The following PALMD variants were observed in gnomAD, a reference collection of about 807,000 sequenced individuals.
PALMD encodes paralemmin-like protein.
PALMD carries 42 observed loss-of-function variants against 56.2 expected under a neutral mutation model. That is an observed-to-expected ratio of 0.75 (90% CI 0.58 to 0.97). PALMD has a LOEUF of 0.97. Among genes scored for constraint, PALMD ranks in the 50% least tolerant of loss-of-function variants. PALMD has a pLI of 0.00. For missense variants in PALMD, 660 were observed against 643.8 expected (o/e 1.03, Z -0.27); for synonymous variants, 242 against 222.9 (o/e 1.09, Z -0.76).
At chr1:99,662,919 A>C (rs934873081) in intron 2 of PALMD, among the ~76,000 whole-genome samples, 49 of 152,268 alleles carry the variant, frequency 3.2e-4, no homozygotes, top group African/African-American at 1.2e-3. Flanking sequence ...ACCAGAAATA[A>C]CTTTCCATGT....
chr1:99,676,347 A>C (rs959173006), intron 3 of PALMD, among the ~76,000 whole-genome samples: 5 of 151,992 alleles, frequency 3.3e-5, no homozygotes, highest in Non-Finnish European at 5.9e-5. Flanking sequence ...GTTCTCACCT[A>C]CTGTCTATGC....
chr1:99,667,448 T>C (rs1056336310), intron 2 of PALMD, 194 bp from the exon 3 acceptor site: 7 of 573,880 alleles, frequency 1.2e-5, no homozygotes, highest in Admixed American at 8.9e-5. Flanking sequence ...TTTAGATGCA[T>C]AAAACCTGGC....
chr1:99,657,440 G>A (rs950194893), intron 1 of PALMD, among the ~76,000 whole-genome samples: 1 of 152,078 alleles, frequency 6.6e-6, no homozygotes, highest in Non-Finnish European at 1.5e-5. Context: ...CTAACTCCTT[G>A]CTAACTCTGA....
intron 1 of PALMD, among the ~76,000 whole-genome samples, chr1:99,654,749 G>A (rs1034749461): frequency 8.5e-5 from 13 of 152,054 alleles, no homozygotes; most frequent in East Asian, 1.9e-4. Flanking sequence ...ACCATTAAGA[G>A]TAACTTTTTA....
intron 3 of PALMD, among the ~76,000 whole-genome samples, chr1:99,678,674 G>T (rs1371933249): frequency 6.6e-6 from 1 of 152,020 alleles, no homozygotes; most frequent in Non-Finnish European, 1.5e-5. Context: ...ACAAAATATA[G>T]GTAAACCACC....
At chr1:99,678,761 G>A (rs1057349611) in intron 3 of PALMD, among the ~76,000 whole-genome samples, 1 of 152,072 alleles carries the variant, frequency 6.6e-6, no homozygotes, top group African/African-American at 2.4e-5. Context: ...AGCTAGAATT[G>A]CTCACCACTC....
chr1:99,662,542 C>A, intron 2 of PALMD, 143 bp downstream of exon 2: 1 of 638,684 alleles, frequency 1.6e-6, no homozygotes, highest in Non-Finnish European at 2.8e-6. Flanking sequence ...TAGGGGAGGC[C>A]AACAAGCTAG....
intron 6 of PALMD, 143 bp from the exon 7 acceptor site, chr1:99,688,632 A>T: frequency 1.7e-6 from 1 of 585,690 alleles, no homozygotes. Context: ...TTAATGAGTA[A>T]AATCAGAAAT....
Position 99,686,738 on chromosome 1 carries a change from C to A in PALMD, c.314C>A (p.Ala105Asp). The change falls in exon 4 of 8, where the codon GCC (alanine) becomes GAC (aspartate). Residue 105 changes from alanine to aspartate, a missense_variant. Physicochemically the swap from Ala to Asp is moderately radical, Grantham distance 126. Coordinates refer to ENST00000263174, the MANE Select transcript of PALMD (RefSeq NM_017734.5). The stretch of plus-strand genomic sequence containing the variant: ...CTGCAAATCTCAACGAAGGAAGAGG[C>A]CATTTTAAAGAAACTAAAGTCAATT... ...AELQISTKEE[A>D]ILKKLKSIER... 1 of 1,608,434 alleles carries A rather than the reference C, an allele frequency of 6.2e-7. No individual in the cohort carries two copies. Among genetic ancestry groups the A allele is most frequent in the Non-Finnish European group, 8.5e-7 (1 of 1,176,044 alleles).
rs1344340143 is a variant in PALMD at position 99,688,899 on chromosome 1, G to A, written c.639G>A (p.Gly213=). The A allele has an allele frequency of 6.2e-7, 1 of 1,613,522 alleles. No individual in the cohort carries two copies. Among genetic ancestry groups the A allele is most frequent in the Non-Finnish European group, 8.5e-7 (1 of 1,179,718 alleles). ...KGTGIKVYDD[G]QKSVYAVSSN... The stretch of plus-strand genomic sequence containing the variant: ...CAGGAATAAAAGTTTATGATGATGG[G>A]CAAAAGTCAGTGTATGCAGTAAGTT... Residue 213 remains glycine, a synonymous_variant, in exon 7 of 8, where the codon GGG becomes GGA. Transcript: ENST00000263174.
intron 1 of PALMD, among the ~76,000 whole-genome samples, chr1:99,660,399 A>T (rs1207731232): frequency 6.6e-6 from 1 of 152,236 alleles, no homozygotes; most frequent in African/African-American, 2.4e-5. Flanking sequence ...TCCTTTTTTC[A>T]AATGGAAATT....
At chr1:99,659,300 C>A (rs1044473761) in intron 1 of PALMD, among the ~76,000 whole-genome samples, 2 of 152,080 alleles carry the variant, frequency 1.3e-5, no homozygotes, top group African/African-American at 4.8e-5. Context: ...TAAGAGATAA[C>A]CTTTAACAGG....
At chr1:99,664,730 G>A (rs1415531686) in intron 2 of PALMD, among the ~76,000 whole-genome samples, 2 of 152,124 alleles carry the variant, frequency 1.3e-5, no homozygotes, top group Non-Finnish European at 2.9e-5. Flanking sequence ...AAGCTCTGTT[G>A]GCCTCTATAG....
intron 3 of PALMD, among the ~76,000 whole-genome samples, chr1:99,670,844 C>T (rs1460292556): frequency 6.6e-6 from 1 of 152,084 alleles, no homozygotes; most frequent in East Asian, 1.9e-4. Context: ...AGCAGCTTTA[C>T]CTGATAATGG....
At chr1:99,677,026 A>G (rs1653228321) in intron 3 of PALMD, among the ~76,000 whole-genome samples, 1 of 152,204 alleles carries the variant, frequency 6.6e-6, no homozygotes, top group African/African-American at 2.4e-5. Flanking sequence ...ATTATTTTAG[A>G]TGAGTTATGA....
At chr1:99,676,002 G>A (rs574032954) in intron 3 of PALMD, among the ~76,000 whole-genome samples, 1 of 152,270 alleles carries the variant, frequency 6.6e-6, no homozygotes, top group East Asian at 1.9e-4. Context: ...CATCTGCTCT[G>A]TTCCCAACCA....
chr1:99,686,905 C>A (rs1653513403), intron 4 of PALMD, 25 bp from the exon 5 acceptor site: 2 of 1,518,490 alleles, frequency 1.3e-6, no homozygotes, highest in Non-Finnish European at 9.1e-7. Context: ...CTGTATTAAT[C>A]ATGGAGAATT....
chr1:99,660,034 G>C (rs75997320), intron 1 of PALMD, among the ~76,000 whole-genome samples: 3 of 152,166 alleles, frequency 2.0e-5, no homozygotes, highest in African/African-American at 7.2e-5. Context: ...GGGTGGGGAG[G>C]CATTGCTGGG....
In PALMD at chr1:99,686,790, A is replaced by G; in HGVS notation, c.366A>G (p.Arg122=). The G allele has an allele frequency of 6.6e-7, 1 of 1,505,906 alleles. No individual in the cohort carries two copies. The allele number at this position is 1,505,906 out of a possible 1,614,324, so 93.3% of individuals were successfully genotyped here. A position where few individuals can be genotyped will look rare whatever the true frequency, so the allele number is the denominator to read the frequency against. The change falls in exon 4 of 8, where the codon AGA becomes AGG. Residue 122 remains arginine, a splice_region_variant and synonymous_variant. Coordinates refer to ENST00000263174, the MANE Select transcript of PALMD (RefSeq NM_017734.5). ...AGCGGACAACAGAAGACATTATAAG[A>G]GTGAGCATTAACCAATTTTAAAACT... is the stretch of plus-strand genomic sequence containing the variant. ...SIERTTEDII[R]SVKVEREERA... is the part of the protein sequence containing the mutation.
Sources: gnomAD v4.1 joint callset for allele counts (sites outside exome capture counted in the v4.1 genomes callset) on GRCh38, gnomAD v4.1.1 for gene constraint, MANE v1.5 for transcripts, NCBI Gene and HGNC (gene_info 2026-07-23, HGNC 2026-07-21) for gene names.